The following TRMT9B variants were observed in gnomAD, a reference collection of about 807,000 sequenced individuals.
TRMT9B encodes tRNA methyltransferase 9B (putative), also known as probable tRNA methyltransferase 9B.
Under a neutral mutation model 11.5 loss-of-function variants are expected in TRMT9B, and 16 were observed. The observed-to-expected ratio is 1.39, with a 90% CI of 0.94 to 2.11. The LOEUF (loss-of-function observed/expected upper bound fraction) is 2.11. Ranked by LOEUF, TRMT9B falls within the 30% of genes most tolerant of loss-of-function variation. TRMT9B has a pLI of 0.00. For synonymous variants in TRMT9B, 274 were observed against 192.4 expected, an observed-to-expected ratio of 1.42 and a Z score of -3.51; for missense variants, 941 against 553.8, an observed-to-expected ratio of 1.70 and a Z score of -7.02.
intron 1 of TRMT9B, among the ~76,000 whole-genome samples, chr8:12,964,490 A>T (rs1184303754): frequency 6.6e-6 from 1 of 152,210 alleles, no homozygotes; most frequent in East Asian, 1.9e-4. Flanking sequence ...TTTTACTTTT[A>T]AAGCAGTTTA....
In TRMT9B at chr8:12,990,854, A is replaced by T; in HGVS notation, c.-179A>T. 7.8e-7 allele frequency: 1 copy of T among 1,289,412 alleles called. No homozygotes were observed. The highest frequency in any genetic ancestry group is 1.0e-6 in the Non-Finnish European group (1 of 988,464). The allele number at this position is 1,289,412 out of a possible 1,614,324, so 79.9% of individuals were successfully genotyped here. Reference sequence around the variant, plus strand: ...GATAGGGCCTGTGCTTCCTTCAGAGACTCACACAAGAGGTTTATCATGAGA... The same window carrying T: ...GATAGGGCCTGTGCTTCCTTCAGAGTCTCACACAAGAGGTTTATCATGAGA... On this transcript the variant is annotated 5_prime_UTR_variant, in exon 2 of 5. Coordinates refer to ENST00000524591, the MANE Select transcript of TRMT9B (RefSeq NM_020844.3).
chr8:12,966,532 C>A (rs1802847242), intron 1 of TRMT9B, among the ~76,000 whole-genome samples: 1 of 152,146 alleles, frequency 6.6e-6, no homozygotes, highest in Non-Finnish European at 1.5e-5. Flanking sequence ...TTTAGATAGA[C>A]ATAAAAGCAT....
At position 13,027,437 on chromosome 8, in the gene TRMT9B, C is replaced by T. The variant is rs749552810; in HGVS notation, c.*5393C>T. 7.2e-5 allele frequency: 12 copies of T among 167,016 alleles called. No homozygotes were observed. Among genetic ancestry groups the T allele is most frequent in the Non-Finnish European group, 1.5e-4 (10 of 68,122 alleles). The allele number at this position is 167,016 out of a possible 1,614,324, so 10.3% of individuals were successfully genotyped here. On this transcript the variant is annotated 3_prime_UTR_variant, in exon 5 of 5. Transcript: ENST00000524591. ...CCCTAGACGTATTAACATCCTATAG[C>T]GCACGTGTTCTGTGGGATATATTTC...
chr8:12,983,928 A>G (rs1034013715), intron 1 of TRMT9B, among the ~76,000 whole-genome samples: 8 of 152,178 alleles, frequency 5.3e-5, no homozygotes, highest in Admixed American at 5.2e-4. Context: ...AAAAAACTGT[A>G]TTAATGATAT....
At chr8:12,996,532 T>G (rs77383512) in intron 2 of TRMT9B, among the ~76,000 whole-genome samples, 9,591 of 152,278 alleles carry the variant, frequency 0.063, 386 homozygotes, top group African/African-American at 0.11. Flanking sequence ...CACCTGATCT[T>G]TGAACCCAGT....
intron 1 of TRMT9B, among the ~76,000 whole-genome samples, chr8:12,974,608 C>T (rs1361430418): frequency 1.3e-5 from 2 of 152,062 alleles, no homozygotes; most frequent in Non-Finnish European, 2.9e-5. Context: ...TTTCAAGTGG[C>T]GATGAAGGCT....
At chr8:12,994,108 A>G (rs1053361812) in intron 2 of TRMT9B, among the ~76,000 whole-genome samples, 2 of 152,220 alleles carry the variant, frequency 1.3e-5, no homozygotes, top group Non-Finnish European at 2.9e-5. Flanking sequence ...CCCCAGTGAC[A>G]CTTGGAGTCT....
intron 2 of TRMT9B, among the ~76,000 whole-genome samples, chr8:13,003,027 A>G (rs1231831853): frequency 1.3e-5 from 2 of 152,076 alleles, no homozygotes; most frequent in African/African-American, 2.4e-5. Context: ...CACTATGTGT[A>G]TTTATTTGAT....
Position 13,022,637 on chromosome 8 carries a change from T to G in TRMT9B, c.*593T>G, listed in dbSNP as rs946883287. On this transcript the variant is annotated 3_prime_UTR_variant, in exon 5 of 5. Transcript: ENST00000524591. Reference sequence around the variant, plus strand: ...GGACTTTACTAAATTATAAGCAAACTTGCTTCAAAATAAGTTGACATGTGA... The same window carrying G: ...GGACTTTACTAAATTATAAGCAAACGTGCTTCAAAATAAGTTGACATGTGA... 2 of 167,114 alleles carry G rather than the reference T, an allele frequency of 1.2e-5. No individual in the cohort carries two copies. Among genetic ancestry groups the G allele is most frequent in the Non-Finnish European group, 2.9e-5 (2 of 68,132 alleles). 10.4% of individuals were successfully genotyped at this position (167,114 alleles called of 1,614,324 possible).
chr8:12,987,335 C>G (rs1028851070), intron 1 of TRMT9B, among the ~76,000 whole-genome samples: 13 of 152,174 alleles, frequency 8.5e-5, no homozygotes, highest in African/African-American at 3.1e-4. Flanking sequence ...ACAGACACTT[C>G]TCCACTTATG....
At position 12,971,923 on chromosome 8, in the gene TRMT9B, A is replaced by C. The variant is rs888083140; in HGVS notation, c.-199-18911A>C. Among the ~76,000 whole-genome samples, 14 of 152,228 alleles carry C rather than the reference A, an allele frequency of 9.2e-5. No homozygotes were observed. The South Asian group carries it at 1.0e-3, about 11-fold the overall frequency. On this transcript the variant is annotated intron_variant, in intron 1 of 4. Transcript: ENST00000524591. ...ACATAGCATCAGTGAACCAAAAAAA[A>C]CCCTAATTTCATGGAATTTATAAAC...
intron 1 of TRMT9B, among the ~76,000 whole-genome samples, chr8:12,957,211 G>T (rs559803066): frequency 3.9e-5 from 6 of 152,304 alleles, no homozygotes; most frequent in East Asian, 1.9e-4. Context: ...GCAACAAAAA[G>T]GTAGCCAAGA....
intron 3 of TRMT9B, among the ~76,000 whole-genome samples, chr8:13,008,629 T>C (rs1810947879): frequency 6.6e-6 from 1 of 152,150 alleles, no homozygotes; most frequent in East Asian, 1.9e-4. Flanking sequence ...AATGGAAAAG[T>C]TCCACAAGAC....
chr8:12,964,943 C>G (rs1802619304), intron 1 of TRMT9B, among the ~76,000 whole-genome samples: 1 of 152,126 alleles, frequency 6.6e-6, no homozygotes, highest in Non-Finnish European at 1.5e-5. Context: ...AAAGCAAACA[C>G]AGTCATAAAA....
rs368975780 is a variant in TRMT9B at position 12,999,645 on chromosome 8, G to T, written c.-1-6557G>T. On this transcript the variant is annotated intron_variant, in intron 2 of 4. Transcript: ENST00000524591. ...ATTTAGGGCCAGTGCTAGATATTAT[G>T]GGCTAACCAAAGATGTGTATGAAAT... Among the ~76,000 whole-genome samples the T allele has an allele frequency of 6.2e-4, 95 of 152,248 alleles. 1 individual carries two copies. Among genetic ancestry groups the T allele is most frequent in the African/African-American group, 2.1e-3 (87 of 41,556 alleles).
intron 2 of TRMT9B, among the ~76,000 whole-genome samples, chr8:12,991,538 T>C (rs957286169): frequency 4.6e-5 from 7 of 152,256 alleles, no homozygotes; most frequent in African/African-American, 1.7e-4. Flanking sequence ...CTTTTTTAAT[T>C]CTGTGTCTTC....
intron 1 of TRMT9B, among the ~76,000 whole-genome samples, chr8:12,965,546 C>G (rs963454052): frequency 1.3e-5 from 2 of 152,112 alleles, no homozygotes; most frequent in Non-Finnish European, 2.9e-5. Flanking sequence ...CCAAAGCTGA[C>G]CTGTCTGATG....
intron 1 of TRMT9B, chr8:12,952,016 C>A: frequency 5.9e-6 from 1 of 168,298 alleles, no homozygotes; most frequent in Non-Finnish European, 1.3e-5. Flanking sequence ...CCCGCGCGCC[C>A]TCCGTCTATT....
chr8:12,948,938 T>A (rs1318437865), intron 1 of TRMT9B, among the ~76,000 whole-genome samples: 1 of 152,146 alleles, frequency 6.6e-6, no homozygotes, highest in African/African-American at 2.4e-5. Context: ...CCAGCCTGGG[T>A]GACAGGGCAA....
Sources: allele counts gnomAD v4.1 joint callset (sites outside exome capture counted in the v4.1 genomes callset), GRCh38; gene constraint gnomAD v4.1.1; transcripts MANE v1.5; gene names NCBI Gene and HGNC (gene_info 2026-07-23, HGNC 2026-07-21).